Variants in MACROD2 observed in about 807,000 individuals in gnomAD.
MACROD2 encodes the protein mono-ADP ribosylhydrolase 2.
A neutral mutation model predicts 70.4 loss-of-function variants in MACROD2; 36 were observed. That is an observed-to-expected ratio of 0.51 (90% CI 0.39 to 0.68). The LOEUF (loss-of-function observed/expected upper bound fraction) is 0.68. Among genes scored for constraint, MACROD2 ranks in the 30% least tolerant of loss-of-function variants. The pLI, the probability that MACROD2 is intolerant of heterozygous loss-of-function variation, is 0.00. For missense variants in MACROD2, 496 were observed against 538.4 expected (o/e 0.92, Z 0.78); for synonymous variants, 172 against 178.8 (o/e 0.96, Z 0.30).
intron 3 of MACROD2, among the ~76,000 whole-genome samples, chr20:14,126,511 G>A (rs1307122078): frequency 6.6e-6 from 1 of 152,120 alleles, no homozygotes; most frequent in Non-Finnish European, 1.5e-5. Context: ...TAGTGTGGGT[G>A]TGTGTTTGTT....
At chr20:15,073,540 A>G (rs2075635339) in intron 5 of MACROD2, among the ~76,000 whole-genome samples, 1 of 149,862 alleles carries the variant, frequency 6.7e-6, no homozygotes, top group African/African-American at 2.5e-5. Context: ...TAGCTTGACT[A>G]TAACTTGGAA....
intron 7 of MACROD2, among the ~76,000 whole-genome samples, chr20:15,432,641 T>C (rs1415851073): frequency 6.6e-6 from 1 of 152,048 alleles, no homozygotes; most frequent in African/African-American, 2.4e-5. Context: ...TTATGTAGAG[T>C]CAAACCAAAC....
At chr20:15,512,289 C>T (rs568357270) in intron 8 of MACROD2, among the ~76,000 whole-genome samples, 3 of 151,734 alleles carry the variant, frequency 2.0e-5, no homozygotes, top group African/African-American at 7.3e-5. Context: ...TGCTAGACAG[C>T]TTTTGTGGCA....
chr20:14,256,895 A>G (rs1361745729), intron 3 of MACROD2, among the ~76,000 whole-genome samples: 2 of 152,004 alleles, frequency 1.3e-5, no homozygotes, highest in Non-Finnish European at 2.9e-5. Flanking sequence ...GGCTTCTAAT[A>G]ATTGTTTTTA....
chr20:14,574,859 A>C (rs1156906690), intron 4 of MACROD2, among the ~76,000 whole-genome samples: 1 of 146,040 alleles, frequency 6.8e-6, no homozygotes, highest in Non-Finnish European at 1.5e-5. Context: ...AAAATACAAA[A>C]AATTAGCCGG....
At chr20:15,034,464 C>T (rs1057319972) in intron 5 of MACROD2, among the ~76,000 whole-genome samples, 1 of 152,154 alleles carries the variant, frequency 6.6e-6, no homozygotes, top group African/African-American at 2.4e-5. Context: ...CCCCAGCCCC[C>T]TCAGTTTAGG....
At chr20:14,735,126 A>G (rs781384229) in intron 5 of MACROD2, among the ~76,000 whole-genome samples, 4 of 152,204 alleles carry the variant, frequency 2.6e-5, no homozygotes, top group Non-Finnish European at 4.4e-5. Flanking sequence ...AAATATTAAT[A>G]GATAAATTAG....
chr20:15,273,918 A>G (rs1744030518), intron 6 of MACROD2, among the ~76,000 whole-genome samples: 1 of 152,200 alleles, frequency 6.6e-6, no homozygotes, highest in African/African-American at 2.4e-5. Context: ...CCAGGTTGTC[A>G]GGATTGAAGA....
At chr20:15,596,697 T>C (rs1048988099) in intron 8 of MACROD2, among the ~76,000 whole-genome samples, 5 of 152,220 alleles carry the variant, frequency 3.3e-5, no homozygotes, top group Admixed American at 2.6e-4. Context: ...TGGTTCATTA[T>C]ATGTGCATTC....
intron 15 of MACROD2, among the ~76,000 whole-genome samples, chr20:16,014,420 A>C (rs1019175107): frequency 1.3e-5 from 2 of 152,240 alleles, no homozygotes; most frequent in African/African-American, 4.8e-5. Context: ...AGAAGTTAGA[A>C]GAATACCATG....
intron 8 of MACROD2, among the ~76,000 whole-genome samples, chr20:15,630,627 A>G (rs2049274521): frequency 1.3e-5 from 2 of 152,198 alleles, no homozygotes; most frequent in Admixed American, 1.3e-4. Context: ...AACTCTCCTA[A>G]TGGGGAATGG....
At chr20:15,893,267 T>C (rs921722342) in intron 10 of MACROD2, among the ~76,000 whole-genome samples, 14 of 152,188 alleles carry the variant, frequency 9.2e-5, no homozygotes, top group Admixed American at 6.5e-5. Flanking sequence ...AAGCAAAAAA[T>C]TGTAGGTAGT....
chr20:15,483,208 C>T (rs1258878044), intron 7 of MACROD2, among the ~76,000 whole-genome samples: 1 of 152,040 alleles, frequency 6.6e-6, no homozygotes, highest in African/African-American at 2.4e-5. Context: ...AAATTTAGGA[C>T]TATTATTAAC....
intron 4 of MACROD2, among the ~76,000 whole-genome samples, chr20:14,569,454 A>T (rs971679892): frequency 5.3e-5 from 8 of 152,028 alleles, no homozygotes; most frequent in Non-Finnish European, 1.0e-4. Flanking sequence ...GAAGAATATT[A>T]AAAAACTGAA....
intron 7 of MACROD2, among the ~76,000 whole-genome samples, chr20:15,455,698 G>A (rs1369210759): frequency 6.6e-6 from 1 of 152,102 alleles, no homozygotes; most frequent in Admixed American, 6.6e-5. Flanking sequence ...GAAATTTGAT[G>A]ATTTTGAAGA....
intron 3 of MACROD2, among the ~76,000 whole-genome samples, chr20:14,122,490 T>TG (rs2054600213): frequency 2.0e-5 from 3 of 152,182 alleles, no homozygotes. Flanking sequence ...CCTCATCAGT[T>TG]AATCTGTAAC....
chr20:15,678,412 T>C (rs1033073913), intron 8 of MACROD2, among the ~76,000 whole-genome samples: 5 of 151,230 alleles, frequency 3.3e-5, no homozygotes, highest in Non-Finnish European at 7.4e-5. Context: ...CAGGCTGGAG[T>C]GCAGTGGCAT....
rs906450826 is a variant in MACROD2, at chr20:15,916,306, T to C, written c.776-16970T>C. On this transcript the variant is annotated intron_variant, in intron 10 of 17. Transcript: ENST00000684519. ...ATGCGTGTCCTCATGAGATGGCAGCTGGCTTCCCTGAGAGCAAGGCACGGG... is the reference window on the plus strand; with the variant it reads ...ATGCGTGTCCTCATGAGATGGCAGCCGGCTTCCCTGAGAGCAAGGCACGGG... Among the ~76,000 whole-genome samples, 8 of 152,308 alleles carry C rather than the reference T, an allele frequency of 5.3e-5. No homozygotes were observed. The East Asian group carries it at 1.5e-3, about 29-fold the overall frequency.
chr20:15,154,870 A>T, intron 5 of MACROD2, among the ~76,000 whole-genome samples: 1 of 152,142 alleles, frequency 6.6e-6, no homozygotes, highest in East Asian at 1.9e-4. Context: ...TTATATAGGA[A>T]AGCATTTTCA....
Sources: allele counts gnomAD v4.1 joint callset (sites outside exome capture counted in the v4.1 genomes callset), GRCh38; gene constraint gnomAD v4.1.1; transcripts MANE v1.5; gene names NCBI Gene and HGNC (gene_info 2026-07-23, HGNC 2026-07-21).